SBF2: variants seen among roughly 807,000 people sequenced by gnomAD.
SBF2 encodes SET binding factor 2.
A neutral mutation model predicts 225.2 loss-of-function variants in SBF2; 112 were observed. The ratio of observed to expected loss-of-function variants is 0.50; its 90% CI spans 0.43 to 0.58. The LOEUF is 0.58. Ranked by LOEUF, SBF2 falls within the 20% of genes least tolerant of loss-of-function variation. The pLI is 0.00. For synonymous variants in SBF2, 763 were observed against 773.3 expected, an observed-to-expected ratio of 0.99 and a Z score of 0.22; for missense variants, 1,996 against 2,206.2, an observed-to-expected ratio of 0.90 and a Z score of 1.91.
At chr11:9,886,527 G>T (rs1315249467) in intron 17 of SBF2, among the ~76,000 whole-genome samples, 3 of 122,996 alleles carry the variant, frequency 2.4e-5, no homozygotes, top group Non-Finnish European at 5.1e-5. Context: ...CCAAGCTACG[G>T]GTAGCCTGTA....
chr11:9,904,663 ACTTT>A (rs767530579), intron 16 of SBF2, among the ~76,000 whole-genome samples: 1 of 152,194 alleles, frequency 6.6e-6, no homozygotes, highest in Non-Finnish European at 1.5e-5. Flanking sequence ...TGGACACTGC[ACTTT>A]CTAACACTGT....
At chr11:10,083,411 A>G (rs912753219) in intron 2 of SBF2, among the ~76,000 whole-genome samples, 3 of 152,204 alleles carry the variant, frequency 2.0e-5, no homozygotes, top group Non-Finnish European at 4.4e-5. Flanking sequence ...ATCAAGGGAG[A>G]GCTGAAATAG....
At chr11:10,080,847 C>T (rs1951337439) in intron 2 of SBF2, among the ~76,000 whole-genome samples, 1 of 151,706 alleles carries the variant, frequency 6.6e-6, no homozygotes, top group East Asian at 1.9e-4. Flanking sequence ...TTTACATCAA[C>T]AGTAGTAAAA....
chr11:10,291,971 T>C (rs1964187110), intron 1 of SBF2, among the ~76,000 whole-genome samples: 1 of 152,104 alleles, frequency 6.6e-6, no homozygotes, highest in South Asian at 2.1e-4. Context: ...GAACAGACAA[T>C]CCCAAATTGA....
intron 17 of SBF2, among the ~76,000 whole-genome samples, chr11:9,861,759 C>T (rs1857768050): frequency 6.6e-6 from 1 of 152,052 alleles, no homozygotes; most frequent in Admixed American, 6.6e-5. Context: ...CCCCCCACCT[C>T]GGCCTTCCAA....
intron 2 of SBF2, among the ~76,000 whole-genome samples, chr11:10,105,419 T>C (rs1433478117): frequency 2.0e-5 from 3 of 152,230 alleles, no homozygotes; most frequent in Non-Finnish European, 4.4e-5. Context: ...AAGGAATTTA[T>C]ATCTCCAATT....
chr11:10,117,704 C>T (rs559845737), intron 2 of SBF2, among the ~76,000 whole-genome samples: 36 of 150,924 alleles, frequency 2.4e-4, no homozygotes, highest in African/African-American at 8.3e-4. Flanking sequence ...CTTAGAGACA[C>T]AAAGATATAT....
At chr11:10,294,282 C>A, upstream of SBF2, 2 of 371,030 alleles carry the variant, frequency 5.4e-6, no homozygotes, top group Non-Finnish European at 9.4e-6. Flanking sequence ...CTCGGCTGCC[C>A]CAAGCCCGGG....
chr11:10,145,469 A>G (rs1954842002), intron 2 of SBF2, among the ~76,000 whole-genome samples: 1 of 152,320 alleles, frequency 6.6e-6, no homozygotes, highest in African/African-American at 2.4e-5. Context: ...AGAAAGAGGT[A>G]TACATCTTGA....
intron 2 of SBF2, among the ~76,000 whole-genome samples, chr11:10,135,339 G>A (rs543998706): frequency 3.9e-5 from 6 of 152,216 alleles, no homozygotes; most frequent in Middle Eastern, 3.4e-3. Context: ...TCTCTGACAC[G>A]CCCTAGAGAC....
At chr11:9,839,394 G>A (rs115044313) in intron 26 of SBF2, 104 bp downstream of exon 26, 15 of 1,138,956 alleles carry the variant, frequency 1.3e-5, no homozygotes, top group Non-Finnish European at 2.0e-5. Flanking sequence ...TTATTTTCAG[G>A]CATTTTTATC....
At chr11:9,971,557 T>C (rs1017123306) in intron 13 of SBF2, among the ~76,000 whole-genome samples, 1 of 152,096 alleles carries the variant, frequency 6.6e-6, no homozygotes, top group Non-Finnish European at 1.5e-5. Flanking sequence ...TGCCTGCCCA[T>C]GGTCCCAGCT....
chr11:10,251,501 A>T (rs1205643490), intron 1 of SBF2, among the ~76,000 whole-genome samples: 1 of 151,914 alleles, frequency 6.6e-6, no homozygotes, highest in African/African-American at 2.4e-5. Context: ...AAATCCATCA[A>T]ATGTAGATTA....
rs1397329019 is a variant in SBF2, at chr11:9,992,994, T to C, written c.1163A>G (p.His388Arg). 1.3e-6 allele frequency: 2 copies of C among 1,596,302 alleles called. No individual in the cohort carries two copies. The highest frequency in any genetic ancestry group is 1.7e-6 in the Non-Finnish European group (2 of 1,165,504). The change falls in exon 11 of 40, where the codon CAC becomes CGC. Residue 388 changes from histidine (H) to arginine (R), a missense_variant. Physicochemically the swap from His to Arg is conservative, Grantham distance 29 (BLOSUM62 0). Coordinates refer to ENST00000256190, the MANE Select transcript of SBF2 (RefSeq NM_030962.4). ...CAATATAGTACTCTATCTTACCTTG[T>C]GGAAATGTATTACTGGCTCTGCATG... The part of the protein sequence containing the change: ...RIHAEPVIHF[H>R]KTAFLGQRGL...
chr11:9,854,525 G>C (rs536125711), intron 19 of SBF2, among the ~76,000 whole-genome samples: 1 of 152,230 alleles, frequency 6.6e-6, no homozygotes, highest in East Asian at 1.9e-4. Flanking sequence ...AGAGACTATG[G>C]CCATCAACAT....
intron 16 of SBF2, chr11:9,961,335 GCAAAATGTTTGAGAAAGGAA>G (rs1866554692): frequency 6.6e-6 from 1 of 152,156 alleles, no homozygotes; most frequent in African/African-American, 2.4e-5. Flanking sequence ...TCCACCTTGT[GCAAAATGTTTGAGAAAGGAA>G]CTTTACATTA....
Position 9,781,551 on chromosome 11 carries a change from T to C in SBF2, c.5407A>G (p.Ser1803Gly), listed in dbSNP as rs753121728. The C allele has an allele frequency of 5.0e-6, 8 of 1,614,228 alleles. No individual in the cohort carries two copies. Among genetic ancestry groups the C allele is most frequent in the Non-Finnish European group, 6.8e-6 (8 of 1,180,038 alleles). Residue 1803 changes from serine to glycine, a missense_variant, in exon 39 of 40, where the codon AGC becomes GGC. By Grantham distance (56) the Ser-to-Gly change is moderately conservative (BLOSUM62 0). Coordinates refer to ENST00000256190, the MANE Select transcript of SBF2 (RefSeq NM_030962.4). ...EVEMVIPAGP[S>G]MGAPKHTSDK... The stretch of plus-strand genomic sequence containing the variant: ...CTTGTGTGCTTTGGGGCTCCCATGC[T>C]GGGGCCAGCAGGGATGACCATTTCT...
chr11:9,830,658 T>A (rs1389253679), intron 27 of SBF2, among the ~76,000 whole-genome samples: 1 of 150,656 alleles, frequency 6.6e-6, no homozygotes, highest in Non-Finnish European at 1.5e-5. Context: ...GAGAATCGCT[T>A]GAACCTTGGA....
At chr11:10,237,173 C>G (rs889269288) in intron 1 of SBF2, among the ~76,000 whole-genome samples, 1 of 152,084 alleles carries the variant, frequency 6.6e-6, no homozygotes, top group African/African-American at 2.4e-5. Flanking sequence ...ATGACAAAAC[C>G]CCATCTCTAC....
Sources: allele counts gnomAD v4.1 joint callset (sites outside exome capture counted in the v4.1 genomes callset), GRCh38; gene constraint gnomAD v4.1.1; transcripts MANE v1.5; gene names NCBI Gene and HGNC (gene_info 2026-07-23, HGNC 2026-07-21).